The following ROR1 variants were observed in gnomAD, a reference collection of about 807,000 sequenced individuals.
The protein encoded by ROR1 is ROR family WNT receptor 1, also known as inactive tyrosine-protein kinase transmembrane receptor ROR1.
A neutral mutation model predicts 78.8 loss-of-function variants in ROR1; 19 were observed. The ratio of observed to expected loss-of-function variants is 0.24; its 90% CI spans 0.17 to 0.35. ROR1 has a LOEUF of 0.35. Among genes scored for constraint, ROR1 ranks in the 10% least tolerant of loss-of-function variants. ROR1 has a pLI of 1.00. For synonymous variants in ROR1, 386 were observed against 433.6 expected, an observed-to-expected ratio of 0.89 and a Z score of 1.36; for missense variants, 917 against 1,177.8, an observed-to-expected ratio of 0.78 and a Z score of 3.24.
At chr1:63,780,507 A>G (rs919384113) in intron 1 of ROR1, among the ~76,000 whole-genome samples, 1 of 152,222 alleles carries the variant, frequency 6.6e-6, no homozygotes, top group Non-Finnish European at 1.5e-5. Context: ...CCATGGACTT[A>G]GTGAACGTGA....
At chr1:63,983,740 G>A (rs950384612) in intron 1 of ROR1, among the ~76,000 whole-genome samples, 14 of 152,076 alleles carry the variant, frequency 9.2e-5, no homozygotes, top group African/African-American at 2.7e-4. Context: ...TTAATATTGC[G>A]GTTGAGTGGA....
intron 1 of ROR1, among the ~76,000 whole-genome samples, chr1:63,986,167 G>A (rs971243561): frequency 6.6e-6 from 1 of 152,156 alleles, no homozygotes; most frequent in African/African-American, 2.4e-5. Flanking sequence ...GCACAGAGAA[G>A]GGAATGATGT....
chr1:64,072,822 A>T (rs1304864977), intron 4 of ROR1, among the ~76,000 whole-genome samples: 2 of 151,942 alleles, frequency 1.3e-5, no homozygotes, highest in Admixed American at 6.6e-5. Flanking sequence ...ATAGTATCCT[A>T]CTCTGAGTTC....
At chr1:63,893,744 T>C (rs920247041) in intron 1 of ROR1, among the ~76,000 whole-genome samples, 4 of 152,124 alleles carry the variant, frequency 2.6e-5, no homozygotes, top group Non-Finnish European at 4.4e-5. Flanking sequence ...CTATACAAAG[T>C]GGGTCAAGAG....
chr1:63,993,751 A>G (rs1336083423), intron 1 of ROR1, among the ~76,000 whole-genome samples: 1 of 152,070 alleles, frequency 6.6e-6, no homozygotes, highest in Non-Finnish European at 1.5e-5. Flanking sequence ...GGATAGCCAT[A>G]ATTTATTTAG....
chr1:64,070,829 G>T (rs2100617303), intron 4 of ROR1, among the ~76,000 whole-genome samples: 1 of 152,250 alleles, frequency 6.6e-6, no homozygotes, highest in Non-Finnish European at 1.5e-5. Flanking sequence ...TAAACATGGA[G>T]ACCAATAAAT....
chr1:64,045,226 C>T (rs531522197), intron 2 of ROR1, among the ~76,000 whole-genome samples: 2 of 152,062 alleles, frequency 1.3e-5, no homozygotes, highest in Middle Eastern at 3.4e-3. Flanking sequence ...TCCAACTGTG[C>T]GAAGCCAGAT....
At chr1:63,785,825 C>A (rs889198151) in intron 1 of ROR1, among the ~76,000 whole-genome samples, 1 of 152,180 alleles carries the variant, frequency 6.6e-6, no homozygotes, top group African/African-American at 2.4e-5. Flanking sequence ...CGCGCCCGGC[C>A]TACGCAGCAA....
chr1:64,080,299 G>T (rs1647090197), intron 4 of ROR1, among the ~76,000 whole-genome samples: 1 of 152,144 alleles, frequency 6.6e-6, no homozygotes, highest in East Asian at 1.9e-4. Context: ...GGCATCTGGT[G>T]GGTAGAAGGC....
chr1:63,998,535 A>C (rs1212547046), intron 1 of ROR1, among the ~76,000 whole-genome samples: 1 of 152,160 alleles, frequency 6.6e-6, no homozygotes, highest in African/African-American at 2.4e-5. Context: ...ATTGGTCTCT[A>C]AACACACAGG....
At chr1:63,808,577 C>A (rs907019455) in intron 1 of ROR1, among the ~76,000 whole-genome samples, 4 of 152,114 alleles carry the variant, frequency 2.6e-5, no homozygotes, top group African/African-American at 9.7e-5. Flanking sequence ...TCTGCCTTCC[C>A]TTATTATTGA....
At chr1:63,894,242 G>T (rs866513296) in intron 1 of ROR1, among the ~76,000 whole-genome samples, 1 of 152,092 alleles carries the variant, frequency 6.6e-6, no homozygotes, top group East Asian at 1.9e-4. Context: ...ATTTCATTAT[G>T]CTACTGAGAA....
chr1:64,179,024 G>GAAAAAAAAAAAAAAAA lies in ROR1; in HGVS notation c.*176_*191dup, dbSNP rs10709706. On this transcript the variant is annotated 3_prime_UTR_variant, in exon 9 of 9. Transcript: ENST00000371079. ...ACCAAGCAGGACAGACACTCGGCCA[G>GAAAAAAAAAAAAAAAA]AAAAAAAAAAAAAAAAAAAAAACAA... The GAAAAAAAAAAAAAAAA allele has an allele frequency of 7.6e-5, 12 of 157,844 alleles. No individual in the cohort carries two copies. The highest frequency in any genetic ancestry group is 9.0e-5 in the Non-Finnish European group (8 of 88,528). 9.8% of individuals were successfully genotyped at this position (157,844 alleles called of 1,614,324 possible). A position where few individuals can be genotyped will look rare whatever the true frequency, so the allele number is the denominator to read the frequency against.
chr1:64,156,919 A>G (rs1271420692), intron 7 of ROR1, among the ~76,000 whole-genome samples: 1 of 152,098 alleles, frequency 6.6e-6, no homozygotes, highest in Non-Finnish European at 1.5e-5. Context: ...CGACGATGGA[A>G]TCCCAGCTTT....
chr1:63,947,899 A>G (rs1645903337), intron 1 of ROR1, among the ~76,000 whole-genome samples: 1 of 152,162 alleles, frequency 6.6e-6, no homozygotes, highest in African/African-American at 2.4e-5. Flanking sequence ...AACAGATACC[A>G]CTTAGTAATA....
rs779048272 is a variant in ROR1 at position 64,150,359 on chromosome 1, G to A, written c.1174+7709G>A. ...GGCTTGCAACAATTTGCCAAAGGGC[G>A]CATTGCCCAGTTTTGTGCCTGAATA... On this transcript the variant is annotated intron_variant, in intron 7 of 8. Coordinates refer to ENST00000371079, the MANE Select transcript of ROR1 (RefSeq NM_005012.4). 3.3e-5 allele frequency among the ~76,000 whole-genome samples: 5 copies of A among 152,108 alleles called. No individual in the cohort carries two copies. In the South Asian group the frequency reaches 6.2e-4, roughly 19 times the overall value.
chr1:63,987,609 A>G (rs932095818), intron 1 of ROR1, among the ~76,000 whole-genome samples: 4 of 152,206 alleles, frequency 2.6e-5, no homozygotes, highest in Non-Finnish European at 5.9e-5. Context: ...TTAATTTATC[A>G]TTGCATTGAA....
chr1:63,975,995 A>C (rs1282399305), intron 1 of ROR1, among the ~76,000 whole-genome samples: 1 of 152,164 alleles, frequency 6.6e-6, no homozygotes, highest in East Asian at 1.9e-4. Flanking sequence ...TGCTGTGGGG[A>C]ATTTGAAAAA....
At chr1:64,098,289 T>C (rs142365655) in intron 4 of ROR1, among the ~76,000 whole-genome samples, 21 of 152,238 alleles carry the variant, frequency 1.4e-4, no homozygotes, top group African/African-American at 4.1e-4. Flanking sequence ...CCCTGCCAAC[T>C]CAGTCCCAAA....
Sources: allele counts gnomAD v4.1 joint callset (sites outside exome capture counted in the v4.1 genomes callset), GRCh38; gene constraint gnomAD v4.1.1; transcripts MANE v1.5; gene names NCBI Gene and HGNC (gene_info 2026-07-23, HGNC 2026-07-21).